Variants in RFX3 observed in about 807,000 individuals in gnomAD.
RFX3 encodes transcription factor RFX3.
Under a neutral mutation model 98.6 loss-of-function variants are expected in RFX3, and 14 were observed. That is an observed-to-expected ratio of 0.14 (90% CI 0.09 to 0.22). The LOEUF (loss-of-function observed/expected upper bound fraction) is 0.22. Ranked by LOEUF, RFX3 falls within the 10% of genes least tolerant of loss-of-function variation. The probability of loss-of-function intolerance (pLI) is 1.00; values close to 1 mark genes in which losing one functional copy is unlikely to be tolerated. For missense variants in RFX3, 639 were observed against 926.9 expected (o/e 0.69, Z 4.03); for synonymous variants, 383 against 328.4 (o/e 1.17, Z -1.80).
intron 2 of RFX3, among the ~76,000 whole-genome samples, chr9:3,363,561 A>C (rs1180261926): frequency 6.6e-6 from 1 of 152,242 alleles, no homozygotes; most frequent in Non-Finnish European, 1.5e-5. Flanking sequence ...CTTCTTACTT[A>C]TACATGATTA....
chr9:3,470,416 G>C (rs905938620), intron 1 of RFX3, among the ~76,000 whole-genome samples: 1 of 150,828 alleles, frequency 6.6e-6, no homozygotes, highest in Non-Finnish European at 1.5e-5. Context: ...CCGGGTTCAC[G>C]CCATTCTCCT....
At chr9:3,434,122 T>C (rs949667292) in intron 1 of RFX3, among the ~76,000 whole-genome samples, 14 of 152,274 alleles carry the variant, frequency 9.2e-5, no homozygotes, top group Admixed American at 2.0e-4. Flanking sequence ...TGACTGACGA[T>C]ACTATTCAGA....
intron 1 of RFX3, among the ~76,000 whole-genome samples, chr9:3,426,088 T>G (rs1029830532): frequency 1.1e-4 from 17 of 152,182 alleles, no homozygotes; most frequent in Non-Finnish European, 2.4e-4. Flanking sequence ...TTACTTATAT[T>G]TTATTTACAA....
At chr9:3,477,620 C>A (rs531609743) in intron 1 of RFX3, among the ~76,000 whole-genome samples, 2 of 152,124 alleles carry the variant, frequency 1.3e-5, no homozygotes, top group African/African-American at 2.4e-5. Flanking sequence ...TATGATGGGT[C>A]TAGGTATGGA....
chr9:3,263,716 A>T (rs1823222001), intron 12 of RFX3, among the ~76,000 whole-genome samples: 1 of 152,138 alleles, frequency 6.6e-6, no homozygotes, highest in Non-Finnish European at 1.5e-5. Context: ...TGCCTCTCAA[A>T]ATCTACTTTC....
At chr9:3,522,986 C>CA (rs922842350) in intron 1 of RFX3, among the ~76,000 whole-genome samples, 19 of 151,666 alleles carry the variant, frequency 1.3e-4, no homozygotes, top group Admixed American at 5.3e-4. Context: ...AGGAATAATA[C>CA]AAAAAAAACT....
intron 11 of RFX3, among the ~76,000 whole-genome samples, chr9:3,267,037 T>C (rs959511760): frequency 6.6e-6 from 1 of 151,962 alleles, no homozygotes; most frequent in Non-Finnish European, 1.5e-5. Context: ...TTTACGGTGG[T>C]CATAAAATAA....
intron 4 of RFX3, among the ~76,000 whole-genome samples, chr9:3,318,548 T>TAAAAA (rs375374826): frequency 7.5e-6 from 1 of 133,958 alleles, no homozygotes; most frequent in African/African-American, 2.7e-5. Context: ...AAATTAAAAT[T>TAAAAA]AAAAAAAAAA....
At chr9:3,313,198 C>G (rs1830168405) in intron 4 of RFX3, among the ~76,000 whole-genome samples, 1 of 152,176 alleles carries the variant, frequency 6.6e-6, no homozygotes, top group Admixed American at 6.5e-5. Context: ...GCAACATCTG[C>G]CGTTCTGCAA....
At chr9:3,429,080 T>A (rs2011492) in intron 1 of RFX3, among the ~76,000 whole-genome samples, 1 of 150,158 alleles carries the variant, frequency 6.7e-6, no homozygotes, top group Non-Finnish European at 1.5e-5. Context: ...TGGAGTGCGG[T>A]GGCGCGATCT....
intron 4 of RFX3, among the ~76,000 whole-genome samples, chr9:3,320,972 G>A (rs999157862): frequency 2.1e-5 from 3 of 146,318 alleles, no homozygotes; most frequent in African/African-American, 2.7e-5. Context: ...CGTGATCTTG[G>A]CCCACTGCAA....
chr9:3,274,671 A>C (rs1228027343), intron 9 of RFX3, among the ~76,000 whole-genome samples: 1 of 152,172 alleles, frequency 6.6e-6, no homozygotes, highest in Non-Finnish European at 1.5e-5. Context: ...TGGTTTATTA[A>C]ACATTTCCAG....
intron 1 of RFX3, among the ~76,000 whole-genome samples, chr9:3,474,308 G>A (rs1047527395): frequency 6.6e-6 from 1 of 152,156 alleles, no homozygotes; most frequent in Non-Finnish European, 1.5e-5. Context: ...TTAGTGAGAA[G>A]TATGCAGCAC....
chr9:3,298,254 G>A (rs528611725), intron 5 of RFX3, among the ~76,000 whole-genome samples: 512 of 151,912 alleles, frequency 3.4e-3, no homozygotes, highest in Non-Finnish European at 6.1e-3. Context: ...CTCTTAAACT[G>A]AAGGCTGCAT....
chr9:3,386,170 A>G (rs1839696263), intron 2 of RFX3, among the ~76,000 whole-genome samples: 1 of 152,176 alleles, frequency 6.6e-6, no homozygotes, highest in African/African-American at 2.4e-5. Flanking sequence ...GGTTTCTAAA[A>G]TAGCTACAGA....
intron 16 of RFX3, among the ~76,000 whole-genome samples, chr9:3,226,584 A>G (rs1287655459): frequency 6.6e-6 from 1 of 152,180 alleles, no homozygotes; most frequent in Non-Finnish European, 1.5e-5. Flanking sequence ...GATGAGGCAA[A>G]AGACATCTCG....
chr9:3,339,355 G>C (rs1417036002), intron 3 of RFX3, among the ~76,000 whole-genome samples: 1 of 152,108 alleles, frequency 6.6e-6, no homozygotes, highest in Non-Finnish European at 1.5e-5. Context: ...TAAAAGATTT[G>C]ATTTGAAGTC....
In RFX3 at chr9:3,333,763, C is replaced by T. The variant is rs186463729; in HGVS notation, c.216-3246G>A. Among the ~76,000 whole-genome samples the T allele has an allele frequency of 1.9e-4, 29 of 152,166 alleles. No homozygotes were observed. The East Asian group carries it at 4.4e-3, about 23-fold the overall frequency. On this transcript the variant is annotated intron_variant, in intron 3 of 16. Transcript: ENST00000617270. Reference sequence around the variant, plus strand: ...TTTGAGAGATGCGGGACATGGTGCCCCCTTTCCTTTTCATCATCCAAGCAG... The same window carrying T: ...TTTGAGAGATGCGGGACATGGTGCCTCCTTTCCTTTTCATCATCCAAGCAG...
chr9:3,233,885 T>C (rs367950953), intron 15 of RFX3, among the ~76,000 whole-genome samples: 9 of 152,136 alleles, frequency 5.9e-5, no homozygotes, highest in African/African-American at 2.2e-4. Flanking sequence ...TTATTATGTA[T>C]AAATATCATC....
Sources: allele counts gnomAD v4.1 joint callset (sites outside exome capture counted in the v4.1 genomes callset), GRCh38; gene constraint gnomAD v4.1.1; transcripts MANE v1.5; gene names NCBI Gene and HGNC (gene_info 2026-07-23, HGNC 2026-07-21).